The following SPTBN1 variants were observed in gnomAD, a reference collection of about 807,000 sequenced individuals.
The protein encoded by SPTBN1 is spectrin beta, non-erythrocytic 1, also known as spectrin beta chain, non-erythrocytic 1.
SPTBN1 carries 32 observed loss-of-function variants against 266.4 expected under a neutral mutation model. The ratio of observed to expected loss-of-function variants is 0.12; its 90% CI spans 0.09 to 0.16. The LOEUF is 0.16. Among genes scored for constraint, SPTBN1 ranks in the 10% least tolerant of loss-of-function variants. The pLI, the probability that SPTBN1 is intolerant of heterozygous loss-of-function variation, is 1.00. For synonymous variants in SPTBN1, 1,336 were observed against 1,162.2 expected (o/e 1.15, Z -3.04); for missense variants, 2,296 against 3,067.1 (o/e 0.75, Z 5.94).
intron 1 of SPTBN1, among the ~76,000 whole-genome samples, chr2:54,485,607 C>T (rs1032614039): frequency 3.9e-5 from 6 of 152,306 alleles, no homozygotes; most frequent in South Asian, 4.1e-4. Flanking sequence ...TCTGCCCGGC[C>T]GCCACCCCAT....
At chr2:54,545,955 C>A (rs1176600490) in intron 2 of SPTBN1, among the ~76,000 whole-genome samples, 1 of 152,138 alleles carries the variant, frequency 6.6e-6, no homozygotes, top group Non-Finnish European at 1.5e-5. Context: ...AACCTTTGTC[C>A]TTCTACAGGA....
intron 3 of SPTBN1, among the ~76,000 whole-genome samples, chr2:54,605,303 C>T (rs1201285802): frequency 6.6e-6 from 1 of 152,222 alleles, no homozygotes; most frequent in Non-Finnish European, 1.5e-5. Context: ...TACCCCTCTT[C>T]CCTGTATTCT....
chr2:54,656,839 C>G (rs1680701121), intron 29 of SPTBN1, among the ~76,000 whole-genome samples: 1 of 152,170 alleles, frequency 6.6e-6, no homozygotes, highest in African/African-American at 2.4e-5. Flanking sequence ...CAGTTTCATT[C>G]AGCTCAGCAA....
intron 7 of SPTBN1, among the ~76,000 whole-genome samples, chr2:54,618,722 C>A (rs1485742304): frequency 3.9e-5 from 6 of 152,108 alleles, no homozygotes; most frequent in Admixed American, 2.6e-4. Context: ...AGGCAGGGGC[C>A]TTGTTAGGAG....
At position 54,492,266 on chromosome 2, in the gene SPTBN1, G is replaced by T. The variant is rs1159999576; in HGVS notation, c.-47-34106G>T. ...AAATTGTTTTGAAAACACTTTTTAT[G>T]GCTGTATAAAGTAGGTGTACCCTAT... On this transcript the variant is annotated intron_variant, in intron 1 of 35. Coordinates refer to ENST00000356805, the MANE Select transcript of SPTBN1 (RefSeq NM_003128.3). 2.0e-5 allele frequency among the ~76,000 whole-genome samples: 3 copies of T among 150,854 alleles called. No individual in the cohort carries two copies. In the East Asian group the frequency reaches 5.8e-4, roughly 29 times the overall value.
At chr2:54,496,595 T>C (rs999702146) in intron 1 of SPTBN1, among the ~76,000 whole-genome samples, 10 of 152,208 alleles carry the variant, frequency 6.6e-5, no homozygotes, top group Admixed American at 3.9e-4. Context: ...TTTTTCTGTT[T>C]AACAGATACG....
chr2:54,625,872 T>A, intron 11 of SPTBN1, 60 bp from the exon 12 acceptor site: 1 of 1,536,568 alleles, frequency 6.5e-7, no homozygotes, highest in Non-Finnish European at 8.8e-7. Flanking sequence ...ATTACAAGCA[T>A]GAGCTACTGT....
At chr2:54,665,806 C>T (rs1399032675) in intron 33 of SPTBN1, 109 bp from the exon 34 acceptor site, 4 of 1,309,034 alleles carry the variant, frequency 3.1e-6, no homozygotes, top group Non-Finnish European at 4.2e-6. Context: ...TGGGTGGGGT[C>T]ACACTGTGTT....
intron 1 of SPTBN1, 111 bp from the exon 2 acceptor site, chr2:54,526,261 C>A: frequency 1.2e-6 from 1 of 837,198 alleles, no homozygotes; most frequent in East Asian, 2.8e-5. Context: ...TCCAGAAGAC[C>A]TATTCTTGGC....
At chr2:54,603,855 C>T (rs142623432) in intron 3 of SPTBN1, among the ~76,000 whole-genome samples, 2 of 152,200 alleles carry the variant, frequency 1.3e-5, no homozygotes, top group African/African-American at 4.8e-5. Flanking sequence ...AAGCAAGTGC[C>T]TGTCACACTG....
chr2:54,579,181 C>T (rs1013957625), intron 2 of SPTBN1, among the ~76,000 whole-genome samples: 5 of 152,072 alleles, frequency 3.3e-5, no homozygotes, highest in Non-Finnish European at 7.4e-5. Context: ...TAGCTCATGA[C>T]CTCTTTTACC....
chr2:54,656,511 T>C (rs1680670679), intron 29 of SPTBN1, among the ~76,000 whole-genome samples: 1 of 152,236 alleles, frequency 6.6e-6, no homozygotes, highest in Non-Finnish European at 1.5e-5. Context: ...ATTCTCATTT[T>C]ATAAGGGAAT....
chr2:54,561,823 T>G (rs1437544139), intron 2 of SPTBN1, among the ~76,000 whole-genome samples: 1 of 142,142 alleles, frequency 7.0e-6, no homozygotes, highest in African/African-American at 3.0e-5. Flanking sequence ...TAGAGATTTA[T>G]GGTTTGTAGA....
intron 1 of SPTBN1, among the ~76,000 whole-genome samples, chr2:54,512,235 AAAT>A (rs1446324531): frequency 6.6e-6 from 1 of 152,220 alleles, no homozygotes; most frequent in Non-Finnish European, 1.5e-5. Flanking sequence ...GATCATGTTA[AAAT>A]GATAATTATT....
At chr2:54,526,800 T>C (rs953957872) in intron 2 of SPTBN1, 4 of 380,332 alleles carry the variant, frequency 1.1e-5, no homozygotes, top group Admixed American at 8.5e-5. Context: ...TTATAGCAAT[T>C]CAAGAACAGC....
chr2:54,660,102 G>A (rs1680938515), intron 32 of SPTBN1, 103 bp downstream of exon 32: 1 of 1,610,112 alleles, frequency 6.2e-7, no homozygotes, highest in Non-Finnish European at 8.5e-7. Context: ...ACTACCATTT[G>A]TCAAGAATCA....
chr2:54,614,038 T>A (rs540706152), intron 4 of SPTBN1, among the ~76,000 whole-genome samples: 3 of 152,342 alleles, frequency 2.0e-5, no homozygotes, highest in African/African-American at 4.8e-5. Context: ...CTAATTCGCT[T>A]CCTGCCAGTT....
chr2:54,558,697 C>A lies in SPTBN1; in HGVS notation c.148+32131C>A. On this transcript the variant is annotated intron_variant, in intron 2 of 35. Coordinates refer to ENST00000356805, the MANE Select transcript of SPTBN1 (RefSeq NM_003128.3). The surrounding 1 kb of genome is among the most constrained non-coding windows in gnomAD (Gnocchi z 4.6). ...CCTAAGGAGCCGAGCGCTGCGGAGG[C>A]TGCTGCGTGTTGGATGGGAGTGGGA... is the stretch of plus-strand genomic sequence containing the variant. 6.4e-7 allele frequency: 1 copy of A among 1,550,744 alleles called. No homozygotes were observed.
At chr2:54,654,290 A>G (rs1680504250) in intron 27 of SPTBN1, among the ~76,000 whole-genome samples, 1 of 152,212 alleles carries the variant, frequency 6.6e-6, no homozygotes, top group Admixed American at 6.5e-5. Flanking sequence ...CATGCACATT[A>G]CTAAAGGTGT....
Sources: allele counts gnomAD v4.1 joint callset (sites outside exome capture counted in the v4.1 genomes callset), GRCh38; gene constraint gnomAD v4.1.1; non-coding constraint Gnocchi (gnomAD v3.1); transcripts MANE v1.5; gene names NCBI Gene and HGNC (gene_info 2026-07-23, HGNC 2026-07-21).